DDX60L: variants seen among roughly 807,000 people sequenced by gnomAD.
DDX60L encodes probable ATP-dependent RNA helicase DDX60-like.
In DDX60L, 191 loss-of-function variants were observed where a neutral mutation model predicts 211.6. The observed-to-expected ratio is 0.90, with a 90% CI of 0.80 to 1.02. The LOEUF (loss-of-function observed/expected upper bound fraction) is 1.02. Among genes scored for constraint, DDX60L ranks in the 50% least tolerant of loss-of-function variants. The pLI, the probability that DDX60L is intolerant of heterozygous loss-of-function variation, is 0.00. For synonymous variants in DDX60L, 706 were observed against 694.1 expected (o/e 1.02, Z -0.27); for missense variants, 2,007 against 1,984.1 (o/e 1.01, Z -0.22).
rs869089882 is a variant in DDX60L at position 168,420,682 on chromosome 4, T to TAGATAGAC, written c.2395-303_2395-302insGTCTATCT. Reference sequence around the variant, plus strand: ...ATAGATAGATAGATAGATAGATAGATAGACAGACAGACAGACAGACAGATA... The same window carrying TAGATAGAC: ...ATAGATAGATAGATAGATAGATAGATAGATAGACAGACAGACAGACAGACAGACAGATA... On this transcript the variant is annotated intron_variant, in intron 17 of 37. Coordinates refer to ENST00000682922, the MANE Select transcript of DDX60L (RefSeq NM_001012967.3). 5.9e-3 allele frequency among the ~76,000 whole-genome samples: 753 copies of TAGATAGAC among 127,564 alleles called. 10 individuals are homozygous for TAGATAGAC. Among genetic ancestry groups the TAGATAGAC allele is most frequent in the African/African-American group, 0.021 (636 of 30,184 alleles). 83.7% of individuals were successfully genotyped at this position (127,564 alleles called of 152,430 possible).
chr4:168,479,680 T>C (rs1339339816), intron 1 of DDX60L, among the ~76,000 whole-genome samples: 1 of 152,056 alleles, frequency 6.6e-6, no homozygotes. Flanking sequence ...ATTAAGAGCT[T>C]AAATCCGGCC....
chr4:168,442,783 G>GCC (rs1474298369), intron 9 of DDX60L, among the ~76,000 whole-genome samples: 80 of 151,054 alleles, frequency 5.3e-4, no homozygotes, highest in Non-Finnish European at 9.9e-4. Flanking sequence ...ACCTCACACG[G>GCC]CAGGGTACTC....
At chr4:168,374,955 C>A (rs558363627) in intron 34 of DDX60L, among the ~76,000 whole-genome samples, 2 of 152,292 alleles carry the variant, frequency 1.3e-5, no homozygotes, top group Admixed American at 1.3e-4. Flanking sequence ...AGGATTTAGA[C>A]CTTGGCATTC....
intron 29 of DDX60L, chr4:168,390,622 G>C: frequency 1.4e-6 from 1 of 706,344 alleles, no homozygotes; most frequent in Non-Finnish European, 2.0e-6. Context: ...TTCGAGACTA[G>C]GCAAAGATTA....
At chr4:168,455,154 A>G (rs561031034) in intron 7 of DDX60L, among the ~76,000 whole-genome samples, 4 of 152,012 alleles carry the variant, frequency 2.6e-5, no homozygotes, top group Admixed American at 2.6e-4. Context: ...AGCCCTGTAC[A>G]GTCACATTAT....
intron 20 of DDX60L, among the ~76,000 whole-genome samples, chr4:168,416,097 A>T (rs1565268): frequency 6.6e-6 from 1 of 152,122 alleles, no homozygotes; most frequent in African/African-American, 2.4e-5. Context: ...GCTTGTTACC[A>T]GTGCTGCTGT....
chr4:168,441,286 T>C (rs1753790994), intron 10 of DDX60L, 51 bp downstream of exon 10: 1 of 1,484,952 alleles, frequency 6.7e-7, no homozygotes, highest in African/African-American at 1.4e-5. Flanking sequence ...CTTCTAAAAG[T>C]TGTTCAGGAC....
At chr4:168,386,680 GT>G (rs1220795533) in intron 29 of DDX60L, among the ~76,000 whole-genome samples, 2 of 12,478 alleles carry the variant, frequency 1.6e-4, no homozygotes, top group African/African-American at 2.4e-4. Context: ...AATCCCTGAT[GT>G]TTTTTTAATC....
At chr4:168,390,887 T>C (rs971866441) in intron 29 of DDX60L, among the ~76,000 whole-genome samples, 1 of 152,110 alleles carries the variant, frequency 6.6e-6, no homozygotes, top group African/African-American at 2.4e-5. Flanking sequence ...TTTTTATCCT[T>C]GATTTTTAAA....
Position 168,465,528 on chromosome 4 carries a change from G to C in DDX60L, c.265-3488C>G, listed in dbSNP as rs530960407. Among the ~76,000 whole-genome samples, 25 of 152,042 alleles carry C rather than the reference G, an allele frequency of 1.6e-4. No homozygotes were observed. In the South Asian group the frequency reaches 1.7e-3, roughly 10 times the overall value. On this transcript the variant is annotated intron_variant, in intron 4 of 37. Coordinates refer to ENST00000682922, the MANE Select transcript of DDX60L (RefSeq NM_001012967.3). ...ATCCCATTTGTCTACTTTTGCTTTT[G>C]CTACCTGTGCTTCTGAAGTCTTCTC...
intron 30 of DDX60L, chr4:168,380,816 G>A (rs1742812150): frequency 6.6e-6 from 1 of 152,206 alleles, no homozygotes. Context: ...TTAAACTGTT[G>A]TGATCAAAAT....
At chr4:168,409,356 G>A (rs757026643) in intron 22 of DDX60L, among the ~76,000 whole-genome samples, 2 of 152,146 alleles carry the variant, frequency 1.3e-5, no homozygotes, top group Non-Finnish European at 2.9e-5. Flanking sequence ...AGAACTCCAG[G>A]CCACTGTACT....
chr4:168,446,474 C>A (rs1225477966), intron 9 of DDX60L, among the ~76,000 whole-genome samples: 2 of 152,176 alleles, frequency 1.3e-5, no homozygotes, highest in African/African-American at 4.8e-5. Context: ...TTTACAGATT[C>A]AATGCCATCC....
chr4:168,403,886 T>C (rs571838892), intron 25 of DDX60L, 96 bp downstream of exon 25: 1 of 639,258 alleles, frequency 1.6e-6, no homozygotes, highest in African/African-American at 1.9e-5. Flanking sequence ...GTAGGGTTAC[T>C]TCTAACCACT....
Position 168,422,502 on chromosome 4 carries a change from G to A in DDX60L, c.2244+22C>T, listed in dbSNP as rs201848240. The A allele has an allele frequency of 2.9e-5, 46 of 1,597,960 alleles. No homozygotes were observed. The East Asian group carries it at 6.7e-4, about 23-fold the overall frequency. On this transcript the variant is annotated intron_variant, in intron 16 of 37. Coordinates refer to ENST00000682922, the MANE Select transcript of DDX60L (RefSeq NM_001012967.3). Reference sequence around the variant, plus strand: ...TTCTGAAGTCACACTGATTAGAAAAGTACAATGTTTGTTGTCATTACCTGC... The same window carrying A: ...TTCTGAAGTCACACTGATTAGAAAAATACAATGTTTGTTGTCATTACCTGC...
intron 16 of DDX60L, 69 bp from the exon 17 acceptor site, chr4:168,421,978 C>A: frequency 6.3e-7 from 1 of 1,587,968 alleles, no homozygotes. Context: ...AGACAGTATC[C>A]TTTGTACCTT....
At chr4:168,416,611 T>C (rs1215509255) in intron 20 of DDX60L, 71 bp downstream of exon 20, 2 of 847,078 alleles carry the variant, frequency 2.4e-6, no homozygotes, top group Admixed American at 6.1e-5. Flanking sequence ...CCTTAAAGAC[T>C]TCAGACCATA....
intron 37 of DDX60L, among the ~76,000 whole-genome samples, chr4:168,358,516 TTC>T: frequency 7.4e-6 from 1 of 134,792 alleles, no homozygotes; most frequent in East Asian, 2.4e-4. Flanking sequence ...TTTTTCTTTT[TTC>T]TTTTTCTTTT....
chr4:168,461,398 A>T (rs1757299840), intron 5 of DDX60L, among the ~76,000 whole-genome samples: 1 of 152,156 alleles, frequency 6.6e-6, no homozygotes, highest in South Asian at 2.1e-4. Flanking sequence ...TTACTTCAAT[A>T]CTCTAAATAT....
Sources: gnomAD v4.1 joint callset for allele counts (sites outside exome capture counted in the v4.1 genomes callset) on GRCh38, gnomAD v4.1.1 for gene constraint, MANE v1.5 for transcripts, NCBI Gene and HGNC (gene_info 2026-07-23, HGNC 2026-07-21) for gene names.